AREL1: variants seen among roughly 807,000 people sequenced by gnomAD.
AREL1 encodes the protein apoptosis-resistant E3 ubiquitin protein ligase 1.
AREL1 carries 62 observed loss-of-function variants against 99.0 expected under a neutral mutation model. That is an observed-to-expected ratio of 0.63 (90% CI 0.51 to 0.77). The LOEUF is 0.77. Ranked by LOEUF, AREL1 falls within the 30% of genes least tolerant of loss-of-function variation. AREL1 has a pLI of 0.00. For synonymous variants in AREL1, 380 were observed against 376.5 expected (o/e 1.01, Z -0.11); for missense variants, 879 against 1,027.6 (o/e 0.86, Z 1.98).
intron 17 of AREL1, 112 bp from the exon 18 acceptor site, chr14:74,665,037 A>G (rs1459090871): frequency 1.0e-5 from 8 of 785,318 alleles, no homozygotes; most frequent in Non-Finnish European, 1.6e-5. Flanking sequence ...ATTACCAGGA[A>G]AAAGACAGAA....
intron 6 of AREL1, 67 bp downstream of exon 6, chr14:74,676,516 G>C: frequency 6.5e-7 from 1 of 1,530,566 alleles, no homozygotes; most frequent in South Asian, 1.2e-5. Flanking sequence ...AGTGAATTAG[G>C]TGTGAGAATA....
chr14:74,693,624 G>A (rs1323895029), intron 1 of AREL1, among the ~76,000 whole-genome samples: 1 of 152,180 alleles, frequency 6.6e-6, no homozygotes, highest in Non-Finnish European at 1.5e-5. Context: ...CTATTTTACA[G>A]ATGAGGAAAC....
chr14:74,712,548 A>G lies in AREL1; in HGVS notation c.-334+385T>C, dbSNP rs985092480. 4.5e-4 allele frequency among the ~76,000 whole-genome samples: 68 copies of G among 152,188 alleles called. 2 individuals carry two copies. Among genetic ancestry groups the G allele is most frequent in the Non-Finnish European group, 1.9e-4 (13 of 68,028 alleles). ...CACCAAGGCTTCACAATAAATGTGC[A>G]TTGTATCTCACCATTTTCTTGGCTT... is the stretch of plus-strand genomic sequence containing the variant. On this transcript the variant is annotated intron_variant, in intron 1 of 19. Transcript: ENST00000356357.
At chr14:74,691,324 TAAAAAAAA>T (rs11407786) in intron 2 of AREL1, among the ~76,000 whole-genome samples, 10 of 72,800 alleles carry the variant, frequency 1.4e-4, no homozygotes, top group South Asian at 1.3e-3. Flanking sequence ...TGTCTCCATT[TAAAAAAAA>T]AAAAAAAAAA....
At chr14:74,666,532 G>C (rs1383514476) in intron 17 of AREL1, among the ~76,000 whole-genome samples, 1 of 152,012 alleles carries the variant, frequency 6.6e-6, no homozygotes, top group African/African-American at 2.4e-5. Flanking sequence ...TCATCTTTTG[G>C]TTTGTTTCCT....
chr14:74,680,184 A>G (rs2089597368), intron 5 of AREL1, among the ~76,000 whole-genome samples: 1 of 152,018 alleles, frequency 6.6e-6, no homozygotes, highest in East Asian at 1.9e-4. Context: ...TAAAAAAAAA[A>G]GAAAAAAAGA....
intron 17 of AREL1, among the ~76,000 whole-genome samples, chr14:74,665,638 A>T (rs2089195960): frequency 6.6e-6 from 1 of 152,146 alleles, no homozygotes; most frequent in South Asian, 2.1e-4. Flanking sequence ...CCTTCCCTTC[A>T]GCTTCTGCCT....
chr14:74,676,259 C>G lies in AREL1; in HGVS notation c.714G>C (p.Arg238Ser), dbSNP rs377463485. ...GTCGCAAGAACACCTGGAAAGTCTG[C>G]CTGTTGGATGTTACTGATTTCTCAA... ...VSFEKSVTSN[R>S]QTFQVFLRLT... Residue 238 changes from arginine to serine, a missense_variant, in exon 7 of 20, where the codon AGG becomes AGC. Physicochemically the swap from Arg to Ser is moderately radical, Grantham distance 110. Coordinates refer to ENST00000356357, the MANE Select transcript of AREL1 (RefSeq NM_001039479.2). 1.7e-5 allele frequency: 27 copies of G among 1,613,996 alleles called. No individual in the cohort carries two copies. In the African/African-American group the frequency reaches 3.3e-4, roughly 20 times the overall value.
At chr14:74,684,428 G>A (rs2089701572) in intron 4 of AREL1, 26 bp downstream of exon 4, 1 of 1,606,030 alleles carries the variant, frequency 6.2e-7, no homozygotes, top group African/African-American at 1.3e-5. Context: ...ACCCCAATGG[G>A]TATGGAGACA....
intron 7 of AREL1, 90 bp downstream of exon 7, chr14:74,676,044 CCAAATAT>C: frequency 3.0e-5 from 47 of 1,548,764 alleles, no homozygotes; most frequent in Non-Finnish European, 4.1e-5. Flanking sequence ...CAAATGTGGC[CCAAATAT>C]CAAATGTTTG....
chr14:74,662,255 G>A lies in AREL1; in HGVS notation c.*1465C>T, dbSNP rs1184888821. On this transcript the variant is annotated 3_prime_UTR_variant, in exon 20 of 20. Coordinates refer to ENST00000356357, the MANE Select transcript of AREL1 (RefSeq NM_001039479.2). ...TGTTCCTCATGATCCCTGCGAACAG[G>A]AGGGCTCAGACATGCTTCCAGGAGG... 4 of 251,144 alleles carry A rather than the reference G, an allele frequency of 1.6e-5. No homozygotes were observed. Among genetic ancestry groups the A allele is most frequent in the Non-Finnish European group, 3.0e-5 (4 of 132,586 alleles). 15.6% of individuals were successfully genotyped at this position (251,144 alleles called of 1,614,324 possible). A position where few individuals can be genotyped will look rare whatever the true frequency, so the allele number is the denominator to read the frequency against.
At chr14:74,678,004 T>C (rs2089532221) in intron 5 of AREL1, among the ~76,000 whole-genome samples, 1 of 152,152 alleles carries the variant, frequency 6.6e-6, no homozygotes, top group Non-Finnish European at 1.5e-5. Flanking sequence ...TCCAACATAG[T>C]ACAGATGTCA....
At position 74,663,839 on chromosome 14, in the gene AREL1, G is replaced by A. The variant is rs2089142419; in HGVS notation, c.2370-17C>T. ...TGGTTAAAACTGGAAGGGCAAGGGA[G>A]AAGTGATTAACTCATACCACCAAAA... On this transcript the variant is annotated splice_polypyrimidine_tract_variant and intron_variant, in intron 19 of 19. Transcript: ENST00000356357. 1 of 1,614,070 alleles carries A rather than the reference G, an allele frequency of 6.2e-7. No homozygotes were observed. The highest frequency in any genetic ancestry group is 1.3e-5 in the African/African-American group (1 of 74,944).
intron 12 of AREL1, among the ~76,000 whole-genome samples, chr14:74,671,158 A>G (rs1404900791): frequency 6.6e-6 from 1 of 151,948 alleles, no homozygotes; most frequent in African/African-American, 2.4e-5. Context: ...AAACACTTAG[A>G]ACTCTCTCTC....
intron 15 of AREL1, 21 bp downstream of exon 15, chr14:74,669,628 A>G (rs2089285134): frequency 6.2e-7 from 1 of 1,611,934 alleles, no homozygotes; most frequent in South Asian, 1.1e-5. Flanking sequence ...TAGGACCCAG[A>G]GGCTTTGTCC....
At chr14:74,687,257 T>C (rs1271091718) in intron 2 of AREL1, among the ~76,000 whole-genome samples, 1 of 152,182 alleles carries the variant, frequency 6.6e-6, no homozygotes, top group Non-Finnish European at 1.5e-5. Flanking sequence ...GCCAAATGTA[T>C]GGCTTGAGTC....
In AREL1 at chr14:74,713,060, T is replaced by C. The variant is rs770255987; in HGVS notation, c.-461A>G. 5.8e-6 allele frequency: 9 copies of C among 1,540,516 alleles called. No homozygotes were observed. The highest frequency in any genetic ancestry group is 8.1e-6 in the Non-Finnish European group (9 of 1,113,924). ...CCCCAGAGTTGGTCTCCACCCGGCC[T>C]GGGAACCGGCTCGGGGGATTGCCCT... On this transcript the variant is annotated 5_prime_UTR_variant, in exon 1 of 20. Transcript: ENST00000356357.
intron 1 of AREL1, among the ~76,000 whole-genome samples, chr14:74,695,933 A>G (rs1036021540): frequency 1.3e-5 from 2 of 152,248 alleles, no homozygotes; most frequent in African/African-American, 4.8e-5. Flanking sequence ...TAACAGGTTC[A>G]CAGGTAATGC....
At chr14:74,664,146 A>T (rs1487643615) in intron 18 of AREL1, 72 bp from the exon 19 acceptor site, 2 of 1,511,984 alleles carry the variant, frequency 1.3e-6, no homozygotes, top group Non-Finnish European at 1.8e-6. Flanking sequence ...GGGAAGGAAC[A>T]AGATACACTA....
Sources: gnomAD v4.1 joint callset for allele counts (sites outside exome capture counted in the v4.1 genomes callset) on GRCh38, gnomAD v4.1.1 for gene constraint, MANE v1.5 for transcripts, NCBI Gene and HGNC (gene_info 2026-07-23, HGNC 2026-07-21) for gene names.